TNRC6A: variants seen among roughly 807,000 people sequenced by gnomAD.
TNRC6A encodes trinucleotide repeat containing adaptor 6A.
TNRC6A carries 44 observed loss-of-function variants against 221.2 expected under a neutral mutation model. The ratio of observed to expected loss-of-function variants is 0.20; its 90% CI spans 0.16 to 0.26. TNRC6A has a LOEUF of 0.26. TNRC6A is among the 10% of genes least tolerant of loss of function. The pLI is 1.00. For missense variants in TNRC6A, 2,199 were observed against 2,404.4 expected (o/e 0.91, Z 1.79); for synonymous variants, 847 against 838.5 (o/e 1.01, Z -0.18).
At chr16:24,689,147 G>A (rs551725914) in intron 2 of TNRC6A, among the ~76,000 whole-genome samples, 2 of 152,268 alleles carry the variant, frequency 1.3e-5, no homozygotes, top group South Asian at 4.1e-4. Context: ...TAAACGTAAC[G>A]AACTATTGTA....
In TNRC6A at chr16:24,825,469, C is replaced by T. The variant is rs2058847591; in HGVS notation, c.*1662C>T. 1 of 152,626 alleles carries T rather than the reference C, an allele frequency of 6.6e-6. No homozygotes were observed. Among genetic ancestry groups the T allele is most frequent in the South Asian group, 2.1e-4 (1 of 4,826 alleles). The allele number at this position is 152,626 out of a possible 1,614,324, so 9.5% of individuals were successfully genotyped here. ...TTTTTGGCTGCTCAACATTAATTGTCTCCTTTTTGTGAATTTATTTGTAGG... is the reference window on the plus strand; with the variant it reads ...TTTTTGGCTGCTCAACATTAATTGTTTCCTTTTTGTGAATTTATTTGTAGG... On this transcript the variant is annotated 3_prime_UTR_variant, in exon 25 of 25. Transcript: ENST00000395799.
At chr16:24,765,770 A>C (rs1335183466) in intron 4 of TNRC6A, among the ~76,000 whole-genome samples, 1 of 152,316 alleles carries the variant, frequency 6.6e-6, no homozygotes, top group East Asian at 1.9e-4. Flanking sequence ...TAGTTAATAA[A>C]ATGATTATTT....
At chr16:24,684,738 C>T (rs528499245) in intron 2 of TNRC6A, among the ~76,000 whole-genome samples, 4 of 150,746 alleles carry the variant, frequency 2.7e-5, no homozygotes, top group Non-Finnish European at 4.4e-5. Flanking sequence ...CCCAAGAGTT[C>T]GAGGTTACCG....
At chr16:24,776,287 G>A (rs902829646) in intron 4 of TNRC6A, 24 of 985,060 alleles carry the variant, frequency 2.4e-5, no homozygotes, top group Non-Finnish European at 2.8e-5. Context: ...ATTTAAGATA[G>A]AGCATCCAGA....
intron 1 of TNRC6A, among the ~76,000 whole-genome samples, 197 bp from the exon 2 acceptor site, chr16:24,730,056 G>A (rs1456005416): frequency 6.7e-6 from 1 of 148,910 alleles, no homozygotes; most frequent in South Asian, 2.1e-4. Context: ...GCCAGGCCGG[G>A]GTTGCGCCTC....
At chr16:24,630,981 C>T (rs1410676088) in intron 1 of TNRC6A, among the ~76,000 whole-genome samples, 1 of 151,522 alleles carries the variant, frequency 6.6e-6, no homozygotes, top group Non-Finnish European at 1.5e-5. Context: ...GACATTCAGC[C>T]TGGAGGGTCC....
At chr16:24,749,190 C>T (rs200526) in intron 2 of TNRC6A, among the ~76,000 whole-genome samples, 124,536 of 152,150 alleles carry the variant, frequency 0.82, 51,067 homozygotes, top group East Asian at 0.89. Context: ...GTGATGACTA[C>T]AGGTAGCCGG....
chr16:24,644,770 A>G (rs185567746), intron 2 of TNRC6A, among the ~76,000 whole-genome samples: 2 of 152,310 alleles, frequency 1.3e-5, no homozygotes, highest in East Asian at 1.9e-4. Flanking sequence ...ATTGAATAGA[A>G]TAATAACACA....
chr16:24,648,560 G>A lies in TNRC6A; in HGVS notation n.402+7551G>A, dbSNP rs577636720. Among the ~76,000 whole-genome samples, 186 of 152,162 alleles carry A rather than the reference G, an allele frequency of 1.2e-3. 1 individual carries two copies. Among genetic ancestry groups the A allele is most frequent in the South Asian group, 8.3e-3 (40 of 4,824 alleles). On this transcript the variant is annotated intron_variant and non_coding_transcript_variant, in intron 2 of 2. Coordinates refer to the TNRC6A transcript ENST00000566108. ...GCTGGGATTACAGGCGTGAGCCACC[G>A]CGCCCGGCCCACAGCAACCATTTTA...
intron 2 of TNRC6A, among the ~76,000 whole-genome samples, chr16:24,746,559 A>G (rs895873188): frequency 1.3e-5 from 2 of 151,938 alleles, no homozygotes; most frequent in Non-Finnish European, 2.9e-5. Context: ...TTCCCTATTG[A>G]TTGGTTTTTG....
At chr16:24,648,274 CTTT>C (rs71156430) in intron 2 of TNRC6A, among the ~76,000 whole-genome samples, 1 of 97,856 alleles carries the variant, frequency 1.0e-5, no homozygotes. Context: ...TCCACAGCAA[CTTT>C]TTTTTTTTTT....
intron 12 of TNRC6A, 45 bp from the exon 13 acceptor site, chr16:24,804,660 T>G: frequency 1.3e-6 from 2 of 1,539,102 alleles, no homozygotes; most frequent in Admixed American, 2.3e-5. Flanking sequence ...CCCTTCCACT[T>G]GTTTGCTTGG....
intron 1 of TNRC6A, among the ~76,000 whole-genome samples, chr16:24,620,388 T>C (rs778274118): frequency 5.3e-5 from 8 of 152,266 alleles, no homozygotes; most frequent in Admixed American, 1.3e-4. Context: ...TTGTTGGTAG[T>C]GTCGTTATAA....
intron 2 of TNRC6A, among the ~76,000 whole-genome samples, chr16:24,683,836 A>G (rs1004826734): frequency 6.6e-6 from 1 of 152,190 alleles, no homozygotes; most frequent in African/African-American, 2.4e-5. Context: ...TAAAGGTATT[A>G]TAGGCATCGA....
chr16:24,695,242 A>T (rs949907634), intron 2 of TNRC6A, among the ~76,000 whole-genome samples: 3 of 152,148 alleles, frequency 2.0e-5, no homozygotes, highest in Non-Finnish European at 4.4e-5. Context: ...AGGAAACTGT[A>T]CTCCAAGGGT....
chr16:24,616,066 C>A (rs1050654132), intron 1 of TNRC6A, among the ~76,000 whole-genome samples: 1 of 151,998 alleles, frequency 6.6e-6, no homozygotes, highest in Non-Finnish European at 1.5e-5. Flanking sequence ...GTGGCACATG[C>A]CTGTAGTCCC....
chr16:24,757,835 C>T (rs1038890518), intron 3 of TNRC6A, among the ~76,000 whole-genome samples: 3 of 152,142 alleles, frequency 2.0e-5, no homozygotes, highest in Non-Finnish European at 4.4e-5. Context: ...AGTTTAATTG[C>T]AATAGCAGCC....
chr16:24,811,678 C>A (rs1464353337), intron 18 of TNRC6A, among the ~76,000 whole-genome samples: 1 of 151,172 alleles, frequency 6.6e-6, no homozygotes, highest in East Asian at 1.9e-4. Flanking sequence ...CGAATGATGC[C>A]TCTGGGTGCA....
chr16:24,771,569 A>ATGT (rs1477831305), intron 4 of TNRC6A, among the ~76,000 whole-genome samples: 29 of 93,440 alleles, frequency 3.1e-4, no homozygotes, highest in Admixed American at 9.9e-4. Flanking sequence ...GTTTTATGTT[A>ATGT]TGTTATGTTA....
Sources: gnomAD v4.1 joint callset for allele counts (sites outside exome capture counted in the v4.1 genomes callset) on GRCh38, gnomAD v4.1.1 for gene constraint, MANE v1.5 for transcripts, NCBI Gene and HGNC (gene_info 2026-07-23, HGNC 2026-07-21) for gene names.